FBXO36: variants seen among roughly 807,000 people sequenced by gnomAD.
FBXO36 encodes the protein F-box only protein 36.
FBXO36 carries 18 observed loss-of-function variants against 17.0 expected under a neutral mutation model. The observed-to-expected ratio is 1.06, with a 90% confidence interval of 0.73 to 1.57. The LOEUF (loss-of-function observed/expected upper bound fraction) is 1.57, where lower values mean the gene tolerates loss of function less well. Among genes scored for constraint, FBXO36 ranks in the 40% most tolerant of loss-of-function variants. The probability of loss-of-function intolerance (pLI) is 0.00; values close to 1 mark genes in which losing one functional copy is unlikely to be tolerated. For missense variants in FBXO36, 229 were observed against 221.9 expected (o/e 1.03, Z -0.20); for synonymous variants, 83 against 85.3 (o/e 0.97, Z 0.15).
intron 1 of FBXO36, among the ~76,000 whole-genome samples, chr2:229,931,681 A>T (rs546607891): frequency 2.4e-4 from 37 of 152,128 alleles, no homozygotes; most frequent in Middle Eastern, 3.4e-3. Context: ...TCTACTAAAA[A>T]TACAAAAATG....
chr2:229,954,356 C>T (rs1165046695), intron 1 of FBXO36, among the ~76,000 whole-genome samples: 1 of 147,144 alleles, frequency 6.8e-6, no homozygotes, highest in African/African-American at 2.5e-5. Context: ...AATTCTCCTG[C>T]CTCAGCCTCC....
At chr2:229,972,214 A>T (rs1330151517) in intron 1 of FBXO36, among the ~76,000 whole-genome samples, 1 of 148,434 alleles carries the variant, frequency 6.7e-6, no homozygotes, top group Admixed American at 6.8e-5. Flanking sequence ...GGCCTGTCTC[A>T]GTTGAACTCC....
At chr2:229,944,703 C>T (rs577664682) in intron 1 of FBXO36, among the ~76,000 whole-genome samples, 2 of 150,836 alleles carry the variant, frequency 1.3e-5, no homozygotes, top group African/African-American at 4.9e-5. Context: ...TACCATTCTC[C>T]TGCTTCAGCC....
intron 1 of FBXO36, among the ~76,000 whole-genome samples, chr2:229,972,624 T>G (rs956678945): frequency 6.6e-6 from 1 of 151,724 alleles, no homozygotes; most frequent in South Asian, 2.1e-4. Context: ...TTGGATATTC[T>G]CTCATGTCAT....
intron 1 of FBXO36, among the ~76,000 whole-genome samples, chr2:229,954,533 G>GC (rs2077074989): frequency 7.4e-6 from 1 of 135,428 alleles, no homozygotes; most frequent in Admixed American, 7.8e-5. Context: ...ATGAGCCACT[G>GC]CACCCGGCCT....
chr2:229,977,370 T>C (rs2077214822), intron 2 of FBXO36, among the ~76,000 whole-genome samples: 1 of 152,114 alleles, frequency 6.6e-6, no homozygotes, highest in Admixed American at 6.6e-5. Context: ...CTAAGCCCAA[T>C]TGCTTCCCAA....
chr2:229,972,215 G>A (rs886221285), intron 1 of FBXO36, among the ~76,000 whole-genome samples: 3 of 149,064 alleles, frequency 2.0e-5, no homozygotes, highest in African/African-American at 5.0e-5. Context: ...GCCTGTCTCA[G>A]TTGAACTCCT....
At chr2:229,986,909 C>T (rs2077271260) in intron 2 of FBXO36, among the ~76,000 whole-genome samples, 1 of 151,786 alleles carries the variant, frequency 6.6e-6, no homozygotes, top group Non-Finnish European at 1.5e-5. Flanking sequence ...TATTTTAAAC[C>T]TACAGAAAAG....
intron 1 of FBXO36, among the ~76,000 whole-genome samples, chr2:229,922,856 C>T (rs373396478): frequency 7.9e-5 from 12 of 152,318 alleles, no homozygotes; most frequent in African/African-American, 2.9e-4. Context: ...GCCGCGTGCT[C>T]CTTTCCCGCC....
chr2:229,982,081 T>A (rs1362397786), intron 2 of FBXO36, among the ~76,000 whole-genome samples: 2 of 151,484 alleles, frequency 1.3e-5, no homozygotes, highest in African/African-American at 4.8e-5. Context: ...TGGAGTGGAG[T>A]GGGGCCATCC....
chr2:229,987,152 A>G (rs1286982848), intron 2 of FBXO36, among the ~76,000 whole-genome samples: 3 of 151,028 alleles, frequency 2.0e-5, no homozygotes, highest in Non-Finnish European at 1.5e-5. Flanking sequence ...CAGAGGCTGC[A>G]GTGAGTCAAG....
intron 3 of FBXO36, among the ~76,000 whole-genome samples, chr2:230,004,893 C>T (rs1236010363): frequency 6.6e-6 from 1 of 152,102 alleles, no homozygotes; most frequent in Non-Finnish European, 1.5e-5. Flanking sequence ...GTAATCCCAG[C>T]TACTTGGGAG....
At chr2:229,996,638 C>A in intron 2 of FBXO36, 113 bp from the exon 3 acceptor site, 1 of 1,138,704 alleles carries the variant, frequency 8.8e-7, no homozygotes, top group Non-Finnish European at 1.2e-6. Flanking sequence ...GACTTAGCAT[C>A]ATCTAACGTC....
At chr2:229,990,718 G>T (rs371889578) in intron 2 of FBXO36, among the ~76,000 whole-genome samples, 5 of 152,050 alleles carry the variant, frequency 3.3e-5, no homozygotes, top group Non-Finnish European at 5.9e-5. Flanking sequence ...TACCATCATT[G>T]CTGGTTTGCA....
chr2:229,945,653 G>C (rs953405107), intron 1 of FBXO36, among the ~76,000 whole-genome samples: 1 of 152,064 alleles, frequency 6.6e-6, no homozygotes, highest in African/African-American at 2.4e-5. Flanking sequence ...AGTGTACCTG[G>C]ATTTCCTTCT....
intron 2 of FBXO36, among the ~76,000 whole-genome samples, chr2:229,989,723 G>C (rs2077288680): frequency 7.7e-6 from 1 of 129,870 alleles, no homozygotes; most frequent in African/African-American, 2.8e-5. Context: ...ACCACGCCTG[G>C]CTAATTTTTT....
At chr2:229,939,776 C>T (rs935121302) in intron 1 of FBXO36, among the ~76,000 whole-genome samples, 3 of 152,156 alleles carry the variant, frequency 2.0e-5, no homozygotes, top group African/African-American at 7.2e-5. Flanking sequence ...AGCAGCTCCT[C>T]GAGACCCTAT....
chr2:229,960,939 A>G (rs1236960403), intron 1 of FBXO36, among the ~76,000 whole-genome samples: 2 of 151,874 alleles, frequency 1.3e-5, no homozygotes, highest in East Asian at 1.9e-4. Context: ...TGAAACCCCA[A>G]CTCTACTAAA....
chr2:229,929,060 A>C (rs1459032094), intron 1 of FBXO36, among the ~76,000 whole-genome samples: 1 of 151,258 alleles, frequency 6.6e-6, no homozygotes, highest in African/African-American at 2.4e-5. Context: ...CTGCCTCCCA[A>C]GTAGCTGGGA....
Sources: gnomAD v4.1 joint callset for allele counts (sites outside exome capture counted in the v4.1 genomes callset) on GRCh38, gnomAD v4.1.1 for gene constraint, MANE v1.5 for transcripts, NCBI Gene and HGNC (gene_info 2026-07-23, HGNC 2026-07-21) for gene names.